CRB1: variants seen among roughly 807,000 people sequenced by gnomAD.
The protein encoded by CRB1 is protein crumbs homolog 1.
Under a neutral mutation model 120.0 loss-of-function variants are expected in CRB1, and 83 were observed. That is an observed-to-expected ratio of 0.69 (90% CI 0.58 to 0.83). The LOEUF is 0.83. Among genes scored for constraint, CRB1 ranks in the 40% least tolerant of loss-of-function variants. The pLI is 0.00. For synonymous variants in CRB1, 625 were observed against 612.5 expected (o/e 1.02, Z -0.30); for missense variants, 1,699 against 1,687.6 (o/e 1.01, Z -0.12).
Position 197,429,752 on chromosome 1 carries a change from C to G in CRB1, c.2842+138C>G, listed in dbSNP as rs185695284. The G allele has an allele frequency of 4.1e-5, 36 of 875,188 alleles. 2 individuals carry two copies. The Admixed American group carries it at 4.5e-4, about 11-fold the overall frequency. The allele number at this position is 875,188 out of a possible 1,614,324, so 54.2% of individuals were successfully genotyped here. ...TGGTTGTTTCCCCTATGCGAGTAGGCTAATACTGACTGGCCTCTTGCCTCA... is the reference window on the plus strand; with the variant it reads ...TGGTTGTTTCCCCTATGCGAGTAGGGTAATACTGACTGGCCTCTTGCCTCA... On this transcript the variant is annotated intron_variant, in intron 8 of 11. Coordinates refer to ENST00000367400, the MANE Select transcript of CRB1 (RefSeq NM_201253.3).
intron 2 of CRB1, among the ~76,000 whole-genome samples, chr1:197,338,372 A>G (rs1397678391): frequency 1.3e-5 from 2 of 152,180 alleles, no homozygotes. Context: ...GCTGGAGAAG[A>G]GGAATGAAGA....
At chr1:197,380,932 A>C (rs1661923663) in intron 5 of CRB1, among the ~76,000 whole-genome samples, 1 of 152,184 alleles carries the variant, frequency 6.6e-6, no homozygotes, top group Non-Finnish European at 1.5e-5. Context: ...CTTGTTGGTG[A>C]GGATTTTTTA....
chr1:197,390,424 ACT>A (rs1558102206), intron 5 of CRB1, among the ~76,000 whole-genome samples: 2 of 151,826 alleles, frequency 1.3e-5, no homozygotes, highest in African/African-American at 4.8e-5. Flanking sequence ...TGAATTAGAG[ACT>A]CTGAGCAAGC....
chr1:197,343,089 T>G (rs183912579), intron 2 of CRB1, among the ~76,000 whole-genome samples: 164 of 152,320 alleles, frequency 1.1e-3, no homozygotes, highest in Non-Finnish European at 2.0e-3. Flanking sequence ...ATATGCTAGC[T>G]TCTCTTTTAA....
At chr1:197,364,073 G>C in intron 5 of CRB1, 1 of 1,298,856 alleles carries the variant, frequency 7.7e-7, no homozygotes, top group Non-Finnish European at 1.1e-6. Flanking sequence ...CCGTGGCGGG[G>C]CTGCTGAGGC....
At chr1:197,434,629 C>A in intron 8 of CRB1, 77 bp from the exon 9 acceptor site, 1 of 1,229,518 alleles carries the variant, frequency 8.1e-7, no homozygotes, top group Non-Finnish European at 1.2e-6. Context: ...ACACAATGAT[C>A]ATTACTATTA....
At chr1:197,218,597 C>G in the CRB1 span, among the ~76,000 whole-genome samples, 3 of 152,124 alleles carry the variant, frequency 2.0e-5, no homozygotes, top group Non-Finnish European at 4.4e-5. Flanking sequence ...GGATCCATAA[C>G]CCCAAGAGAA....
chr1:197,384,531 G>A (rs1171934231), intron 5 of CRB1, among the ~76,000 whole-genome samples: 1 of 152,088 alleles, frequency 6.6e-6, no homozygotes, highest in African/African-American at 2.4e-5. Context: ...ATCCTGAGAT[G>A]GGAGCTGCAT....
At chr1:197,429,227 T>C in intron 7 of CRB1, 1 of 1,455,732 alleles carries the variant, frequency 6.9e-7, no homozygotes, top group East Asian at 2.5e-5. Context: ...ATCAATTTTA[T>C]ATCTTTTCTC....
At chr1:197,330,104 A>T (rs1658759959) in intron 2 of CRB1, among the ~76,000 whole-genome samples, 1 of 152,140 alleles carries the variant, frequency 6.6e-6, no homozygotes, top group African/African-American at 2.4e-5. Flanking sequence ...ACATTCTAAA[A>T]CTATATATTT....
intron 5 of CRB1, among the ~76,000 whole-genome samples, chr1:197,369,838 T>A (rs1035919748): frequency 3.9e-5 from 6 of 152,294 alleles, no homozygotes; most frequent in Non-Finnish European, 7.4e-5. Context: ...TCTAAATGTT[T>A]CCTTCACCTG....
At chr1:197,258,335 CT>C in the CRB1 span, among the ~76,000 whole-genome samples, 1 of 152,020 alleles carries the variant, frequency 6.6e-6, no homozygotes, top group Non-Finnish European at 1.5e-5. Flanking sequence ...CCATAAATCC[CT>C]CTTAAACGTT....
chr1:197,293,057 G>T (rs928005095), intron 1 of CRB1, among the ~76,000 whole-genome samples: 1 of 152,088 alleles, frequency 6.6e-6, no homozygotes, highest in African/African-American at 2.4e-5. Context: ...GGAAGTTCTG[G>T]CTAGGGCAAT....
chr1:197,323,980 A>G (rs892669679), intron 1 of CRB1, among the ~76,000 whole-genome samples: 2 of 152,210 alleles, frequency 1.3e-5, no homozygotes, highest in African/African-American at 4.8e-5. Flanking sequence ...CAACGTGCCT[A>G]TCAGATATAG....
At chr1:197,358,716 G>A (rs1347932249) in intron 5 of CRB1, among the ~76,000 whole-genome samples, 1 of 152,112 alleles carries the variant, frequency 6.6e-6, no homozygotes, top group Non-Finnish European at 1.5e-5. Flanking sequence ...TACTGGAGAA[G>A]GAAAGAAAAT....
intron 1 of CRB1, among the ~76,000 whole-genome samples, chr1:197,288,116 G>C (rs1326125003): frequency 1.3e-5 from 2 of 151,846 alleles, no homozygotes; most frequent in Non-Finnish European, 2.9e-5. Flanking sequence ...CCTGAGGGGA[G>C]AGCTGCACAG....
the CRB1 span, among the ~76,000 whole-genome samples, chr1:197,255,965 T>A: frequency 4.6e-3 from 396 of 85,356 alleles, 5 homozygotes; most frequent in South Asian, 0.018. Context: ...ATAGAACATT[T>A]TATATATATA....
chr1:197,420,700 A>G (rs942064721), intron 5 of CRB1, among the ~76,000 whole-genome samples: 7 of 152,338 alleles, frequency 4.6e-5, no homozygotes, highest in African/African-American at 1.2e-4. Context: ...TTTTGTTTGT[A>G]TGATATTCAG....
At chr1:197,217,538 G>A in the CRB1 span, among the ~76,000 whole-genome samples, 3 of 152,264 alleles carry the variant, frequency 2.0e-5, no homozygotes, top group Admixed American at 2.0e-4. Context: ...ATGAACCTTG[G>A]AAACATGCTA....
Sources: allele counts gnomAD v4.1 joint callset (sites outside exome capture counted in the v4.1 genomes callset), GRCh38; gene constraint gnomAD v4.1.1; transcripts MANE v1.5; gene names NCBI Gene and HGNC (gene_info 2026-07-23, HGNC 2026-07-21).